Variants in PPM1H observed in about 807,000 individuals in gnomAD.
PPM1H encodes protein phosphatase 1H.
Under a neutral mutation model 54.9 loss-of-function variants are expected in PPM1H, and 27 were observed. That is an observed-to-expected ratio of 0.49 (90% CI 0.36 to 0.68). PPM1H has a LOEUF of 0.68. Ranked by LOEUF, PPM1H falls within the 30% of genes least tolerant of loss-of-function variation. The pLI is 0.00. For missense variants in PPM1H, 596 were observed against 667.8 expected, an observed-to-expected ratio of 0.89 and a Z score of 1.19; for synonymous variants, 305 against 270.8, an observed-to-expected ratio of 1.13 and a Z score of -1.24.
chr12:62,767,528 A>G (rs2076551533), intron 4 of PPM1H, among the ~76,000 whole-genome samples: 1 of 152,232 alleles, frequency 6.6e-6, no homozygotes, highest in Non-Finnish European at 1.5e-5. Flanking sequence ...CACATGAAAT[A>G]CAAGGTCTGA....
chr12:62,676,612 G>A (rs1007367002), intron 8 of PPM1H, among the ~76,000 whole-genome samples: 24 of 152,196 alleles, frequency 1.6e-4, no homozygotes, highest in Admixed American at 1.6e-3. Context: ...AGTTGTCGCT[G>A]AGCCTGGTCA....
rs1458126333 is a variant in PPM1H, at chr12:62,644,041, CA to C, written c.*4447del. The C allele has an allele frequency of 6.6e-6, 1 of 152,100 alleles. No individual in the cohort carries two copies. Among genetic ancestry groups the C allele is most frequent in the Non-Finnish European group, 1.5e-5 (1 of 68,010 alleles). The allele number at this position is 152,100 out of a possible 1,614,324, so 9.4% of individuals were successfully genotyped here. A position where few individuals can be genotyped will look rare whatever the true frequency, so the allele number is the denominator to read the frequency against. On this transcript the variant is annotated 3_prime_UTR_variant, in exon 10 of 10. Transcript: ENST00000228705. ...TATTTTATTTTAAAATGTCATTGAA[CA>C]TATACATTTCTTTAGCTTTTTCCAG...
intron 2 of PPM1H, among the ~76,000 whole-genome samples, chr12:62,829,135 G>T (rs1868323750): frequency 6.6e-6 from 1 of 152,174 alleles, no homozygotes; most frequent in South Asian, 2.1e-4. Context: ...GACTCAAAGA[G>T]ATATTTGTTC....
rs1592519679 is a variant in PPM1H at position 62,644,153 on chromosome 12, G to A, written c.*4336C>T. The A allele has an allele frequency of 6.6e-6, 1 of 152,112 alleles. No individual in the cohort carries two copies. The highest frequency in any genetic ancestry group is 2.4e-5 in the African/African-American group (1 of 41,408). The allele number at this position is 152,112 out of a possible 1,614,324, so 9.4% of individuals were successfully genotyped here. A position where few individuals can be genotyped will look rare whatever the true frequency, so the allele number is the denominator to read the frequency against. ...ATTTTGGGGTTACAAAAAAGTCAAT[G>A]TTTCACAATCACAAAGCATAAAGGT... On this transcript the variant is annotated 3_prime_UTR_variant, in exon 10 of 10. Coordinates refer to ENST00000228705, the MANE Select transcript of PPM1H (RefSeq NM_020700.2).
At chr12:62,861,012 T>G (rs1291782379) in intron 1 of PPM1H, among the ~76,000 whole-genome samples, 1 of 152,202 alleles carries the variant, frequency 6.6e-6, no homozygotes, top group Non-Finnish European at 1.5e-5. Context: ...TCCCTTCTTC[T>G]AGATAAGAAA....
At chr12:62,691,566 G>A (rs536371516) in intron 7 of PPM1H, among the ~76,000 whole-genome samples, 20 of 152,098 alleles carry the variant, frequency 1.3e-4, no homozygotes, top group Non-Finnish European at 2.8e-4. Context: ...GCTCACATGT[G>A]TAATCCCAGC....
At chr12:62,917,737 A>ATT (rs112349829) in intron 1 of PPM1H, among the ~76,000 whole-genome samples, 20 of 151,108 alleles carry the variant, frequency 1.3e-4, no homozygotes, top group African/African-American at 4.9e-4. Context: ...TTATTTTTTG[A>ATT]TTTTTTTTTC....
At chr12:62,658,648 A>G (rs1243006008) in intron 9 of PPM1H, among the ~76,000 whole-genome samples, 1 of 152,018 alleles carries the variant, frequency 6.6e-6, no homozygotes, top group Non-Finnish European at 1.5e-5. Context: ...GTGCAGCCCA[A>G]CCTCCATTAC....
chr12:62,860,786 T>C (rs1218571583), intron 1 of PPM1H, among the ~76,000 whole-genome samples: 1 of 152,196 alleles, frequency 6.6e-6, no homozygotes, highest in Non-Finnish European at 1.5e-5. Context: ...TATCCCCTGC[T>C]CCGATTTACA....
chr12:62,742,414 G>C (rs936601039), intron 4 of PPM1H, among the ~76,000 whole-genome samples: 3 of 152,116 alleles, frequency 2.0e-5, no homozygotes, highest in Non-Finnish European at 1.5e-5. Flanking sequence ...TCATCACTCT[G>C]ATCTTGGGAT....
intron 5 of PPM1H, among the ~76,000 whole-genome samples, chr12:62,734,130 GA>G: frequency 7.3e-6 from 1 of 136,096 alleles, no homozygotes; most frequent in South Asian, 2.4e-4. Flanking sequence ...TCTGCCACAT[GA>G]ATTTTTTTTT....
At chr12:62,839,662 CAA>C (rs34178089) in intron 1 of PPM1H, among the ~76,000 whole-genome samples, 12,388 of 131,162 alleles carry the variant, frequency 0.094, 790 homozygotes, top group African/African-American at 0.19. Context: ...TGAGTAAATC[CAA>C]AAAAAAAAAA....
intron 4 of PPM1H, among the ~76,000 whole-genome samples, chr12:62,744,118 G>A (rs1045641868): frequency 6.6e-6 from 1 of 150,664 alleles, no homozygotes; most frequent in African/African-American, 2.4e-5. Flanking sequence ...GTCAAAAGGG[G>A]AACTGTTGAA....
intron 1 of PPM1H, among the ~76,000 whole-genome samples, chr12:62,847,556 A>G (rs1869021537): frequency 1.3e-5 from 2 of 152,224 alleles, no homozygotes; most frequent in South Asian, 2.1e-4. Flanking sequence ...TAAAATTTAT[A>G]TCACAAGCTC....
chr12:62,912,553 T>G (rs1394852651), intron 1 of PPM1H, among the ~76,000 whole-genome samples: 1 of 152,054 alleles, frequency 6.6e-6, no homozygotes, highest in African/African-American at 2.4e-5. Flanking sequence ...CACACGAGAT[T>G]TGGCAGAAAT....
intron 1 of PPM1H, among the ~76,000 whole-genome samples, chr12:62,859,459 T>C (rs1444266641): frequency 1.3e-5 from 2 of 152,186 alleles, no homozygotes; most frequent in African/African-American, 2.4e-5. Flanking sequence ...TCTTTAATAA[T>C]AGCACTGGCC....
chr12:62,869,445 C>G (rs1869900858), intron 1 of PPM1H, among the ~76,000 whole-genome samples: 1 of 152,126 alleles, frequency 6.6e-6, no homozygotes, highest in African/African-American at 2.4e-5. Context: ...AGCACTTGCC[C>G]AAGGTCCTAG....
chr12:62,799,031 G>C (rs1248091480), intron 3 of PPM1H, among the ~76,000 whole-genome samples: 2 of 152,020 alleles, frequency 1.3e-5, no homozygotes, highest in African/African-American at 4.8e-5. Flanking sequence ...TCTTTTCCCA[G>C]TCAGGCCTGG....
chr12:62,801,689 AG>A (rs1020511151), intron 3 of PPM1H, 126 bp downstream of exon 3: 7 of 1,007,026 alleles, frequency 7.0e-6, no homozygotes, highest in South Asian at 1.7e-5. Context: ...CCATTATCAC[AG>A]GGGGCCGTCC....
Sources: gnomAD v4.1 joint callset for allele counts (sites outside exome capture counted in the v4.1 genomes callset) on GRCh38, gnomAD v4.1.1 for gene constraint, MANE v1.5 for transcripts, NCBI Gene and HGNC (gene_info 2026-07-23, HGNC 2026-07-21) for gene names.